Variants in SCML2 observed in about 807,000 individuals in gnomAD.
SCML2 encodes sex comb on midleg-like protein 2.
In SCML2, 6 loss-of-function variants were observed where a neutral mutation model predicts 48.4. The observed-to-expected ratio is 0.12, with a 90% CI of 0.07 to 0.24. SCML2 has a LOEUF of 0.24. SCML2 is among the 10% of genes least tolerant of loss of function. The pLI is 1.00. For synonymous variants in SCML2, 181 were observed against 189.5 expected (o/e 0.95, Z 0.37); for missense variants, 377 against 528.2 (o/e 0.71, Z 2.81).
chrX:18,337,166 G>C (rs1231556820), intron 1 of SCML2, among the ~76,000 whole-genome samples: 1 of 108,570 alleles, frequency 9.2e-6, no homozygotes, highest in Non-Finnish European at 1.9e-5. Flanking sequence ...GCCAGATGTG[G>C]TGATGTGTGC....
chrX:18,330,891 C>A (rs1929633568), intron 2 of SCML2, among the ~76,000 whole-genome samples: 1 of 110,935 alleles, frequency 9.0e-6, no homozygotes, highest in South Asian at 3.8e-4. Flanking sequence ...ATTTTATTGT[C>A]TATCTCATTC....
chrX:18,307,168 C>T (rs1284915238), intron 6 of SCML2, among the ~76,000 whole-genome samples: 1 of 109,851 alleles, frequency 9.1e-6, no homozygotes, highest in African/African-American at 3.3e-5. Flanking sequence ...CCTGTAGTCC[C>T]AGCTACTTAG....
chrX:18,257,055 C>A, intron 10 of SCML2, 25 bp from the exon 11 acceptor site: 1 of 1,059,309 alleles, frequency 9.4e-7, no homozygotes, highest in South Asian at 2.5e-5. Flanking sequence ...AAAAGGATGT[C>A]AGTAACCTCA....
chrX:18,349,666 G>A (rs769705188), intron 1 of SCML2, among the ~76,000 whole-genome samples: 10 of 111,200 alleles, frequency 9.0e-5, no homozygotes, highest in Non-Finnish European at 1.5e-4. Context: ...GCATGGTTGC[G>A]CACGCCTGTA....
chrX:18,340,543 C>G (rs1014916202), intron 1 of SCML2, among the ~76,000 whole-genome samples: 1 of 112,472 alleles, frequency 8.9e-6, no homozygotes, highest in Non-Finnish European at 1.9e-5. Context: ...GATGTGGTGG[C>G]TCACGCCTGT....
chrX:18,253,395 G>C (rs1350080630), intron 11 of SCML2, among the ~76,000 whole-genome samples: 1 of 111,713 alleles, frequency 9.0e-6, no homozygotes, highest in Non-Finnish European at 1.9e-5. Context: ...ATGCAAAGAA[G>C]TAAGACCATA....
intron 5 of SCML2, among the ~76,000 whole-genome samples, chrX:18,322,929 C>T (rs758981791): frequency 2.7e-5 from 3 of 110,992 alleles, no homozygotes; most frequent in Admixed American, 9.6e-5. Context: ...TTAGTTATAA[C>T]GAACAAATAG....
chrX:18,296,419 A>AAAAGAAT (rs1476114259), intron 7 of SCML2, among the ~76,000 whole-genome samples: 1 of 110,430 alleles, frequency 9.1e-6, no homozygotes, highest in Admixed American at 9.7e-5. Context: ...AGACAAAAAA[A>AAAAGAAT]AAAGAATAAA....
intron 5 of SCML2, among the ~76,000 whole-genome samples, chrX:18,322,020 G>A (rs1359039590): frequency 9.0e-6 from 1 of 111,656 alleles, no homozygotes; most frequent in Non-Finnish European, 1.9e-5. Context: ...TTACAGATGT[G>A]TTCATTTATA....
chrX:18,345,361 A>G (rs1930164078), intron 1 of SCML2, among the ~76,000 whole-genome samples: 1 of 111,500 alleles, frequency 9.0e-6, no homozygotes, highest in South Asian at 3.8e-4. Context: ...GCTTGTATCT[A>G]AACTATATAG....
intron 8 of SCML2, among the ~76,000 whole-genome samples, chrX:18,263,657 G>A (rs748310703): frequency 1.3e-4 from 15 of 111,500 alleles, no homozygotes; most frequent in South Asian, 3.7e-4. Context: ...AAGAATAAAC[G>A]AGAGTATAAA....
chrX:18,265,666 A>C lies in SCML2; in HGVS notation c.867T>G (p.Pro289=). Residue 289 remains proline, a synonymous_variant, in exon 8 of 15, where the codon CCT becomes CCG. Transcript: ENST00000251900. ...QVRRSSRIKP[P]GPTAVPKRSS... is the part of the protein sequence containing the mutation. ...TCCTTTTGGGGACTGCAGTAGGTCCAGGTGGTTTAATTCGACTTGATCTCC... is the reference window on the plus strand; with the variant it reads ...TCCTTTTGGGGACTGCAGTAGGTCCCGGTGGTTTAATTCGACTTGATCTCC... 5 of 1,211,173 alleles carry C rather than the reference A, an allele frequency of 4.1e-6. No individual in the cohort carries two copies. Among genetic ancestry groups the C allele is most frequent in the Non-Finnish European group, 5.6e-6 (5 of 894,946 alleles).
At chrX:18,274,228 C>G (rs1336471553) in intron 7 of SCML2, among the ~76,000 whole-genome samples, 1 of 111,694 alleles carries the variant, frequency 9.0e-6, no homozygotes, top group Non-Finnish European at 1.9e-5. Flanking sequence ...CATGGGGCCC[C>G]CATGGAGTTC....
intron 8 of SCML2, among the ~76,000 whole-genome samples, chrX:18,262,881 A>C (rs1927122042): frequency 9.5e-6 from 1 of 105,719 alleles, no homozygotes; most frequent in Non-Finnish European, 1.9e-5. Flanking sequence ...GCACCCAGCT[A>C]ATTTGTGTAT....
intron 1 of SCML2, among the ~76,000 whole-genome samples, chrX:18,351,072 C>G (rs1478091486): frequency 9.1e-6 from 1 of 110,451 alleles, no homozygotes; most frequent in Non-Finnish European, 1.9e-5. Flanking sequence ...AGTTTTGAGA[C>G]CAGCCTGGCC....
At chrX:18,288,637 G>T (rs1928134971) in intron 7 of SCML2, among the ~76,000 whole-genome samples, 1 of 111,477 alleles carries the variant, frequency 9.0e-6, no homozygotes, top group Non-Finnish European at 1.9e-5. Context: ...TAACAAAGCA[G>T]ACAATGAATT....
intron 7 of SCML2, among the ~76,000 whole-genome samples, chrX:18,267,003 T>C (rs1245956315): frequency 8.9e-6 from 1 of 112,115 alleles, no homozygotes; most frequent in Non-Finnish European, 1.9e-5. Flanking sequence ...TTTGAAAAAG[T>C]CCAGTAACCT....
rs190017011 is a variant in SCML2, at chrX:18,328,539, G to A, written c.91+2048C>T. Among the ~76,000 whole-genome samples the A allele has an allele frequency of 3.6e-5, 4 of 111,284 alleles. No homozygotes were observed. In the East Asian group the frequency reaches 8.5e-4, roughly 24 times the overall value. ...TTGTTAAAAATTGCCAGGCATGGTAGTGCACGCCTGTGGTCCCACATACTC... is the reference window on the plus strand; with the variant it reads ...TTGTTAAAAATTGCCAGGCATGGTAATGCACGCCTGTGGTCCCACATACTC... On this transcript the variant is annotated intron_variant, in intron 3 of 14. Coordinates refer to ENST00000251900, the MANE Select transcript of SCML2 (RefSeq NM_006089.3).
At chrX:18,250,986 T>G (rs1425672529) in intron 11 of SCML2, among the ~76,000 whole-genome samples, 1 of 110,077 alleles carries the variant, frequency 9.1e-6, no homozygotes, top group East Asian at 2.9e-4. Context: ...TCAGATCTCA[T>G]GAGAACTCAC....
Sources: gnomAD v4.1 joint callset for allele counts (sites outside exome capture counted in the v4.1 genomes callset) on GRCh38, gnomAD v4.1.1 for gene constraint, MANE v1.5 for transcripts, NCBI Gene and HGNC (gene_info 2026-07-23, HGNC 2026-07-21) for gene names.